The following PCDHGA11 variants were observed in gnomAD, a reference collection of about 807,000 sequenced individuals.
PCDHGA11 encodes the protein protocadherin gamma subfamily A, 11, also known as protocadherin gamma-A11.
PCDHGA11 carries 39 observed loss-of-function variants against 60.4 expected under a neutral mutation model. The observed-to-expected ratio is 0.65, with a 90% confidence interval of 0.50 to 0.84. The LOEUF (loss-of-function observed/expected upper bound fraction) is 0.84. PCDHGA11 is among the 40% of genes least tolerant of loss of function. The pLI, the probability that PCDHGA11 is intolerant of heterozygous loss-of-function variation, is 0.00. For missense variants in PCDHGA11, 1,165 were observed against 1,197.7 expected (o/e 0.97, Z 0.40); for synonymous variants, 533 against 510.3 (o/e 1.04, Z -0.60).
intron 1 of PCDHGA11, among the ~76,000 whole-genome samples, chr5:141,467,305 G>A (rs535466592): frequency 1.3e-5 from 2 of 152,078 alleles, no homozygotes; most frequent in African/African-American, 4.8e-5. Flanking sequence ...CACTCACCTC[G>A]GCCTCCCACA....
At chr5:141,447,884 G>A (rs1324802340) in intron 1 of PCDHGA11, among the ~76,000 whole-genome samples, 1 of 152,024 alleles carries the variant, frequency 6.6e-6, no homozygotes, top group Non-Finnish European at 1.5e-5. Context: ...TCAGGAGTTC[G>A]AGACCAGCCT....
At chr5:141,478,305 C>G in intron 1 of PCDHGA11, 1 of 1,614,092 alleles carries the variant, frequency 6.2e-7, no homozygotes, top group Non-Finnish European at 8.5e-7. Context: ...TACCGAGCCC[C>G]GGTGAGCTCA....
chr5:141,469,731 C>T (rs1332201791), intron 1 of PCDHGA11, among the ~76,000 whole-genome samples: 1 of 152,214 alleles, frequency 6.6e-6, no homozygotes, highest in Non-Finnish European at 1.5e-5. Context: ...ATCATAAATA[C>T]ACACCTCAAA....
Position 141,476,819 on chromosome 5 carries a change from C to T in PCDHGA11, c.2434-17988C>T. ...CAGCCTGCCTATTCACATCAAGGTGCTGGACGCGAATGACAATGCGCCTGT... is the reference window on the plus strand; with the variant it reads ...CAGCCTGCCTATTCACATCAAGGTGTTGGACGCGAATGACAATGCGCCTGT... On this transcript the variant is annotated intron_variant, in intron 1 of 3. Coordinates refer to ENST00000398587, the MANE Select transcript of PCDHGA11 (RefSeq NM_018914.3). The surrounding 1 kb of genome is among the most constrained non-coding windows in gnomAD (Gnocchi z 7.6). 6.2e-7 allele frequency: 1 copy of T among 1,613,524 alleles called. No homozygotes were observed. The highest frequency in any genetic ancestry group is 8.5e-7 in the Non-Finnish European group (1 of 1,180,036).
intron 1 of PCDHGA11, among the ~76,000 whole-genome samples, chr5:141,480,513 C>T (rs1376669385): frequency 7.9e-6 from 1 of 127,246 alleles, no homozygotes. Context: ...ATGAGAACAA[C>T]CAAAAATGAC....
intron 1 of PCDHGA11, among the ~76,000 whole-genome samples, chr5:141,446,664 G>A (rs116573282): frequency 0.012 from 1,821 of 152,192 alleles, 38 homozygotes; most frequent in African/African-American, 0.042. Context: ...TTTAGTACAA[G>A]ACAGCATTTC....
chr5:141,472,159 A>G (rs1020175900), intron 1 of PCDHGA11, among the ~76,000 whole-genome samples: 1 of 152,246 alleles, frequency 6.6e-6, no homozygotes, highest in Non-Finnish European at 1.5e-5. Context: ...TTACATAGCT[A>G]CTAGGTGTAA....
chr5:141,477,287 G>T lies in PCDHGA11; in HGVS notation c.2434-17520G>T. ...CGAGAACGGGCTGGTGACCTGCGAA[G>T]TTCCACCGGGTCTCCCTTTCAGCCT... On this transcript the variant is annotated intron_variant, in intron 1 of 3. Coordinates refer to ENST00000398587, the MANE Select transcript of PCDHGA11 (RefSeq NM_018914.3). The surrounding 1 kb of genome is among the most constrained non-coding windows in gnomAD (Gnocchi z 4.9). The T allele has an allele frequency of 6.2e-7, 1 of 1,614,190 alleles. No homozygotes were observed.
intron 1 of PCDHGA11, chr5:141,441,330 C>T (rs919906372): frequency 8.5e-5 from 13 of 152,170 alleles, no homozygotes; most frequent in Admixed American, 1.3e-4. Context: ...AATCTTCCTC[C>T]AATAATTAAC....
At position 141,496,642 on chromosome 5, in the gene PCDHGA11, G is replaced by C. The variant is rs1053400475; in HGVS notation, c.2492+1777G>C. Among the ~76,000 whole-genome samples the C allele has an allele frequency of 6.6e-5, 10 of 152,318 alleles. No individual in the cohort carries two copies. In the East Asian group the frequency reaches 1.5e-3, roughly 24 times the overall value. ...AGATCAAAAGGCTTGGGCTGCCCTT[G>C]CCCTTCCTTTGACCCCAGCTGTTGT... On this transcript the variant is annotated intron_variant, in intron 2 of 3. Transcript: ENST00000398587.
chr5:141,448,903 C>A (rs1460471063), intron 1 of PCDHGA11, among the ~76,000 whole-genome samples: 2 of 152,112 alleles, frequency 1.3e-5, no homozygotes, highest in Non-Finnish European at 2.9e-5. Context: ...CGAGATCGTG[C>A]CACTGCACTC....
intron 1 of PCDHGA11, 124 bp from the exon 2 acceptor site, chr5:141,494,683 C>G: frequency 6.4e-7 from 1 of 1,569,074 alleles, no homozygotes; most frequent in Non-Finnish European, 8.7e-7. Context: ...CCCCTGCCCC[C>G]TCTTAGTCCG....
chr5:141,424,556 G>C (rs2096828013), intron 1 of PCDHGA11: 1 of 152,128 alleles, frequency 6.6e-6, no homozygotes, highest in South Asian at 2.1e-4. Context: ...TTGATTCAGT[G>C]CTTCTCAAAA....
intron 1 of PCDHGA11, among the ~76,000 whole-genome samples, chr5:141,459,690 C>A (rs1338211972): frequency 6.6e-6 from 1 of 152,174 alleles, no homozygotes; most frequent in African/African-American, 2.4e-5. Context: ...ATAAAGCGTT[C>A]CGCTTGCTAC....
chr5:141,476,476 C>A lies in PCDHGA11; in HGVS notation c.2434-18331C>A. On this transcript the variant is annotated intron_variant, in intron 1 of 3. Coordinates refer to ENST00000398587, the MANE Select transcript of PCDHGA11 (RefSeq NM_018914.3). The surrounding 1 kb of genome is among the most constrained non-coding windows in gnomAD (Gnocchi z 7.6). ...TGGAGAACCCGCTGGAGCTGTTCAG[C>A]GTGGAAGTGGTGATCCAGGACATCA... 6.2e-7 allele frequency: 1 copy of A among 1,613,986 alleles called. No individual in the cohort carries two copies. The highest frequency in any genetic ancestry group is 8.5e-7 in the Non-Finnish European group (1 of 1,179,992).
chr5:141,487,006 G>A lies in PCDHGA11; in HGVS notation c.2434-7801G>A. ...ATGCTTGGGTTTCCTATCAGCTCCT[G>A]GAGGCCCCAGATCCCAGCCTGTTTG... On this transcript the variant is annotated intron_variant, in intron 1 of 3. Transcript: ENST00000398587. This position sits in a 1 kb window ranked among gnomAD's most constrained non-coding sequence, Gnocchi z 5.0. 1 of 1,614,206 alleles carries A rather than the reference G, an allele frequency of 6.2e-7. No homozygotes were observed. The highest frequency in any genetic ancestry group is 8.5e-7 in the Non-Finnish European group (1 of 1,180,042).
intron 1 of PCDHGA11, among the ~76,000 whole-genome samples, chr5:141,438,370 A>G (rs2097956460): frequency 1.3e-5 from 2 of 152,004 alleles, no homozygotes; most frequent in South Asian, 4.2e-4. Context: ...CATTGAGGGC[A>G]GATATAATTT....
In PCDHGA11 at chr5:141,511,406, G is replaced by C; in HGVS notation, c.*233G>C. The C allele has an allele frequency of 1.1e-6, 1 of 942,018 alleles. No individual in the cohort carries two copies. The highest frequency in any genetic ancestry group is 1.7e-5 in the African/African-American group (1 of 60,280). The allele number at this position is 942,018 out of a possible 1,614,324, so 58.4% of individuals were successfully genotyped here. ...GCTGGGAACCCCCATCCAATCAACT[G>C]CTGTACCCATGGGGGTAGTGGGGTT... On this transcript the variant is annotated 3_prime_UTR_variant, in exon 4 of 4. Coordinates refer to ENST00000398587, the MANE Select transcript of PCDHGA11 (RefSeq NM_018914.3).
chr5:141,495,080 G>A (rs73794925), intron 2 of PCDHGA11, among the ~76,000 whole-genome samples: 1 of 152,258 alleles, frequency 6.6e-6, no homozygotes, highest in African/African-American at 2.4e-5. Flanking sequence ...TCACATGCTT[G>A]CCCCTTCCCT....
Sources: allele counts gnomAD v4.1 joint callset (sites outside exome capture counted in the v4.1 genomes callset), GRCh38; gene constraint gnomAD v4.1.1; non-coding constraint Gnocchi (gnomAD v3.1); transcripts MANE v1.5; gene names NCBI Gene and HGNC (gene_info 2026-07-23, HGNC 2026-07-21).